Variants in AP1S3 observed in about 807,000 individuals in gnomAD.
AP1S3 encodes the protein adaptor related protein complex 1 subunit sigma 3, also known as AP-1 complex subunit sigma-3.
Under a neutral mutation model 20.9 loss-of-function variants are expected in AP1S3, and 10 were observed. That is an observed-to-expected ratio of 0.48 (90% CI 0.29 to 0.81). AP1S3 has a LOEUF of 0.81. AP1S3 is among the 30% of genes least tolerant of loss of function. The pLI is 0.08. For missense variants in AP1S3, 154 were observed against 183.8 expected (o/e 0.84, Z 0.94); for synonymous variants, 41 against 61.5 (o/e 0.67, Z 1.56).
At chr2:223,784,411 C>A (rs1691026563) in intron 1 of AP1S3, among the ~76,000 whole-genome samples, 1 of 152,098 alleles carries the variant, frequency 6.6e-6, no homozygotes, top group African/African-American at 2.4e-5. Flanking sequence ...TCACACCCAC[C>A]CCCCAACACG....
Position 223,784,597 on chromosome 2 carries a change from A to C in AP1S3, c.4-6728T>G, listed in dbSNP as rs192362111. Among the ~76,000 whole-genome samples the C allele has an allele frequency of 4.3e-3, 650 of 152,160 alleles. 5 individuals carry two copies. The highest frequency in any genetic ancestry group is 7.3e-3 in the Non-Finnish European group (496 of 68,004). On this transcript the variant is annotated intron_variant, in intron 1 of 4. Coordinates refer to ENST00000396654, the MANE Select transcript of AP1S3 (RefSeq NM_001039569.2). ...ACCCAAGTCTCTCTCATCTTTAAAA[A>C]ACAACCACCCACCCCCAGACCTCCA...
intron 4 of AP1S3, among the ~76,000 whole-genome samples, chr2:223,763,320 G>A (rs1380578948): frequency 6.6e-6 from 1 of 152,174 alleles, no homozygotes; most frequent in African/African-American, 2.4e-5. Context: ...AGCAACACCA[G>A]ATTTATGACA....
chr2:223,768,294 C>T (rs924142176), intron 3 of AP1S3, among the ~76,000 whole-genome samples: 2 of 152,142 alleles, frequency 1.3e-5, no homozygotes, highest in African/African-American at 4.8e-5. Context: ...GCTGGCAAAA[C>T]CAAGCTCATT....
chr2:223,770,344 A>AGAT, intron 3 of AP1S3: 3 of 1,549,842 alleles, frequency 1.9e-6, no homozygotes, highest in Non-Finnish European at 2.6e-6. Flanking sequence ...TGAACCTGAC[A>AGAT]GATACTAATG....
At chr2:223,818,154 C>T (rs1159225168) in intron 1 of AP1S3, among the ~76,000 whole-genome samples, 1 of 152,182 alleles carries the variant, frequency 6.6e-6, no homozygotes, top group Admixed American at 6.5e-5. Context: ...CATTCATTCA[C>T]TCTTGTAATC....
At chr2:223,768,339 C>T (rs935484731) in intron 3 of AP1S3, among the ~76,000 whole-genome samples, 1 of 152,106 alleles carries the variant, frequency 6.6e-6, no homozygotes, top group Non-Finnish European at 1.5e-5. Flanking sequence ...AGGCATGTGG[C>T]GATTCCCCAC....
chr2:223,825,018 A>G (rs1170128888), intron 1 of AP1S3, among the ~76,000 whole-genome samples: 1 of 151,994 alleles, frequency 6.6e-6, no homozygotes, highest in African/African-American at 2.4e-5. Flanking sequence ...CAATAAGAAA[A>G]CAGTTCCTCG....
chr2:223,781,396 AT>A (rs903934493), intron 1 of AP1S3, among the ~76,000 whole-genome samples: 85 of 146,668 alleles, frequency 5.8e-4, no homozygotes, highest in Middle Eastern at 3.5e-3. Flanking sequence ...TTAACACAGC[AT>A]TTTTTTTTTT....
At position 223,835,066 on chromosome 2, in the gene AP1S3, G is replaced by A. The variant is rs139819722; in HGVS notation, c.3+2382C>T. ...ATATCTTAGTATTATTATGAAAATA[G>A]TTTTGACCTTGCAGACCTCCAGTAA... On this transcript the variant is annotated intron_variant, in intron 1 of 4. Transcript: ENST00000396654. Among the ~76,000 whole-genome samples the A allele has an allele frequency of 1.0e-2, 683 of 68,582 alleles. 5 individuals are homozygous for A. Among genetic ancestry groups the A allele is most frequent in the African/African-American group, 0.035 (667 of 18,916 alleles). 45.0% of individuals were successfully genotyped at this position (68,582 alleles called of 152,430 possible).
At chr2:223,801,490 C>T (rs1691463760) in intron 1 of AP1S3, among the ~76,000 whole-genome samples, 1 of 152,170 alleles carries the variant, frequency 6.6e-6, no homozygotes, top group Non-Finnish European at 1.5e-5. Context: ...CAGTGCCTCA[C>T]TCTATTGTCC....
chr2:223,788,239 G>A (rs911034892), intron 1 of AP1S3, among the ~76,000 whole-genome samples: 8 of 151,658 alleles, frequency 5.3e-5, no homozygotes, highest in South Asian at 4.2e-4. Flanking sequence ...GAGCCACTGC[G>A]CCAGGCTGGA....
chr2:223,809,247 G>A (rs956643792), intron 1 of AP1S3, among the ~76,000 whole-genome samples: 20 of 151,978 alleles, frequency 1.3e-4, no homozygotes, highest in Admixed American at 5.2e-4. Context: ...TCTTCCCTTC[G>A]CTCACTGGAC....
At chr2:223,820,235 G>A (rs1319122090) in intron 1 of AP1S3, among the ~76,000 whole-genome samples, 1 of 152,074 alleles carries the variant, frequency 6.6e-6, no homozygotes, top group Non-Finnish European at 1.5e-5. Flanking sequence ...TTTTCCCAGT[G>A]ATTTACATAA....
At chr2:223,763,916 CTTATTTATTTAT>C (rs369185660) in intron 4 of AP1S3, among the ~76,000 whole-genome samples, 1 of 151,984 alleles carries the variant, frequency 6.6e-6, no homozygotes, top group South Asian at 2.1e-4. Context: ...GCCAGTTTTA[CTTATTTATTTAT>C]TTATTTATTT....
At chr2:223,823,905 T>C (rs900998291) in intron 1 of AP1S3, among the ~76,000 whole-genome samples, 2 of 152,168 alleles carry the variant, frequency 1.3e-5, no homozygotes, top group Non-Finnish European at 1.5e-5. Context: ...ATTTAAAAAA[T>C]AAACTTCCCT....
chr2:223,800,394 T>C (rs1691439298), intron 1 of AP1S3, among the ~76,000 whole-genome samples: 1 of 151,952 alleles, frequency 6.6e-6, no homozygotes, highest in Non-Finnish European at 1.5e-5. Context: ...TAGCCAGGCA[T>C]GGTGACGCAC....
At chr2:223,819,794 C>G (rs1392413904) in intron 1 of AP1S3, among the ~76,000 whole-genome samples, 2 of 152,018 alleles carry the variant, frequency 1.3e-5, no homozygotes, top group Non-Finnish European at 2.9e-5. Flanking sequence ...CAAACATTTG[C>G]TATAAACACA....
chr2:223,766,201 T>C (rs567112262), intron 3 of AP1S3, among the ~76,000 whole-genome samples: 39 of 152,208 alleles, frequency 2.6e-4, no homozygotes, highest in Non-Finnish European at 5.6e-4. Flanking sequence ...ACTCTGCTCA[T>C]TGAGTCTCCA....
chr2:223,783,761 A>G (rs1259426383), intron 1 of AP1S3, among the ~76,000 whole-genome samples: 1 of 152,198 alleles, frequency 6.6e-6, no homozygotes, highest in East Asian at 1.9e-4. Flanking sequence ...ACCTGTCCCC[A>G]GTATTGTCAC....
Sources: gnomAD v4.1 joint callset for allele counts (sites outside exome capture counted in the v4.1 genomes callset) on GRCh38, gnomAD v4.1.1 for gene constraint, MANE v1.5 for transcripts, NCBI Gene and HGNC (gene_info 2026-07-23, HGNC 2026-07-21) for gene names.